Variants in ROCK1 observed in about 807,000 individuals in gnomAD.
ROCK1 encodes Rho associated coiled-coil containing protein kinase 1.
In ROCK1, 36 loss-of-function variants were observed where a neutral mutation model predicts 196.8. That is an observed-to-expected ratio of 0.18 (90% CI 0.14 to 0.24). The LOEUF (loss-of-function observed/expected upper bound fraction) is 0.24. ROCK1 is among the 10% of genes least tolerant of loss of function. ROCK1 has a pLI of 1.00. For synonymous variants in ROCK1, 443 were observed against 515.9 expected (o/e 0.86, Z 1.91); for missense variants, 920 against 1,562.0 (o/e 0.59, Z 6.93).
rs1367110440 is a variant in ROCK1, at chr18:21,110,883, G to C, written c.28C>G (p.Arg10Gly). MSTGDSFET[R>G]FEKMDNLLRD... Reference sequence around the variant, plus strand: ...AGCAGGTTGTCCATTTTTTCAAATCGAGTCTCAAAACTGTCCCCAGTCGAC... The same window carrying C: ...AGCAGGTTGTCCATTTTTTCAAATCCAGTCTCAAAACTGTCCCCAGTCGAC... The change falls in exon 1 of 33, where the codon CGA (arginine) becomes GGA (glycine). Residue 10 changes from arginine to glycine, a missense_variant. By Grantham distance (125) the Arg-to-Gly change is moderately radical (BLOSUM62 -2). Around this residue, in one of 6 missense-constraint regions of ROCK1, gnomAD observed 234 missense variants for 460.7 expected, o/e 0.51. Transcript: ENST00000399799. 15 of 1,614,036 alleles carry C rather than the reference G, an allele frequency of 9.3e-6. No homozygotes were observed. Among genetic ancestry groups the C allele is most frequent in the Non-Finnish European group, 1.3e-5 (15 of 1,179,970 alleles).
At chr18:21,001,222 C>T (rs532118451) in intron 16 of ROCK1, among the ~76,000 whole-genome samples, 29 of 152,094 alleles carry the variant, frequency 1.9e-4, no homozygotes, top group South Asian at 1.0e-3. Context: ...ATATCCAGAA[C>T]GGGTAAATTC....
intron 22 of ROCK1, among the ~76,000 whole-genome samples, chr18:20,973,311 T>G (rs2035447697): frequency 1.3e-5 from 2 of 151,068 alleles, no homozygotes; most frequent in African/African-American, 4.9e-5. Flanking sequence ...AGACTCAGTC[T>G]CTGTCGCCCA....
rs534452479 is a variant in ROCK1 at position 20,986,606 on chromosome 18, G to C, written c.2304+344C>G. 5.1e-4 allele frequency among the ~76,000 whole-genome samples: 77 copies of C among 152,266 alleles called. 1 individual carries two copies. The highest frequency in any genetic ancestry group is 1.8e-3 in the African/African-American group (75 of 41,552). ...GTTAAACACTTTTATTGAAATCTAA[G>C]AGCAATGCTCTTTTCTTTGGGGATA... On this transcript the variant is annotated intron_variant, in intron 19 of 32. Coordinates refer to ENST00000399799, the MANE Select transcript of ROCK1 (RefSeq NM_005406.3).
At chr18:21,052,221 G>A (rs2143521522) in intron 2 of ROCK1, among the ~76,000 whole-genome samples, 1 of 152,258 alleles carries the variant, frequency 6.6e-6, no homozygotes, top group African/African-American at 2.4e-5. Context: ...GCCTCTGTTG[G>A]ATGGCTTTCA....
rs112848323 is a variant in ROCK1, at chr18:21,070,631, C to T, written c.94-18G>A. On this transcript the variant is annotated intron_variant, in intron 1 of 32. Transcript: ENST00000399799. ...AATCCATCCTAAAGAAACAAACAAA[C>T]AATGGTTAGTTTTTTGGATCACATT... 913 of 1,557,632 alleles carry T rather than the reference C, an allele frequency of 5.9e-4. 2 individuals carry two copies. The highest frequency in any genetic ancestry group is 2.0e-3 in the Middle Eastern group (12 of 5,892).
At position 20,984,452 on chromosome 18, in the gene ROCK1, C is replaced by T; in HGVS notation, c.2388G>A (p.Glu796=). ...TTTCTAAACCTTTTAAATTGTCTGC[C>T]TCAAATGCTTGAGTCTTCAATTCAT... ...LQNELKTQAF[E]ADNLKGLEKQ... is the part of the protein sequence containing the mutation. Residue 796 remains glutamate, a synonymous_variant, in exon 20 of 33, where the codon GAG becomes GAA. Transcript: ENST00000399799. 1 of 1,613,128 alleles carries T rather than the reference C, an allele frequency of 6.2e-7. No homozygotes were observed. Among genetic ancestry groups the T allele is most frequent in the Non-Finnish European group, 8.5e-7 (1 of 1,179,602 alleles).
At chr18:20,987,441 T>C (rs1406499024) in intron 18 of ROCK1, among the ~76,000 whole-genome samples, 2 of 152,132 alleles carry the variant, frequency 1.3e-5, no homozygotes, top group Non-Finnish European at 2.9e-5. Context: ...ACAATGAACA[T>C]ACATCAAGCA....
At chr18:21,054,271 C>T (rs1331527861) in intron 2 of ROCK1, among the ~76,000 whole-genome samples, 1 of 152,122 alleles carries the variant, frequency 6.6e-6, no homozygotes, top group Non-Finnish European at 1.5e-5. Flanking sequence ...CTCTCTTAAA[C>T]TTCAAACTTA....
At chr18:21,016,135 G>C (rs780544343) in intron 12 of ROCK1, among the ~76,000 whole-genome samples, 1 of 152,120 alleles carries the variant, frequency 6.6e-6, no homozygotes, top group African/African-American at 2.4e-5. Flanking sequence ...ATGATATTTA[G>C]AGATAGCTGT....
chr18:20,959,293 C>T (rs1330003145), intron 29 of ROCK1, among the ~76,000 whole-genome samples: 1 of 138,760 alleles, frequency 7.2e-6, no homozygotes, highest in African/African-American at 2.8e-5. Context: ...CTCACTGCAA[C>T]CTCTGCCTCC....
At position 21,008,047 on chromosome 18, in the gene ROCK1, G is replaced by A. The variant is rs1422234476; in HGVS notation, c.1546+12C>T. The A allele has an allele frequency of 6.3e-7, 1 of 1,575,558 alleles. No individual in the cohort carries two copies. Among genetic ancestry groups the A allele is most frequent in the Non-Finnish European group, 8.6e-7 (1 of 1,161,498 alleles). On this transcript the variant is annotated intron_variant, in intron 14 of 32. Transcript: ENST00000399799. ...GAAATTCTATCATTTTTCAAAAGTAGTGACAATTTACCTTCATTTTCTACA... is the reference window on the plus strand; with the variant it reads ...GAAATTCTATCATTTTTCAAAAGTAATGACAATTTACCTTCATTTTCTACA...
intron 16 of ROCK1, among the ~76,000 whole-genome samples, chr18:20,997,411 G>A (rs943065616): frequency 7.2e-5 from 11 of 152,148 alleles, no homozygotes; most frequent in Non-Finnish European, 1.5e-5. Flanking sequence ...AGGTCATAAT[G>A]TAATGATAAA....
rs148675692 is a variant in ROCK1, at chr18:21,046,955, G to A, written c.415-1488C>T. Among the ~76,000 whole-genome samples the A allele has an allele frequency of 6.8e-3, 1,032 of 152,012 alleles. 5 individuals carry two copies. Among genetic ancestry groups the A allele is most frequent in the Middle Eastern group, 0.027 (8 of 294 alleles). ...AAAGTGCTCAGATTACAAGCATGGG[G>A]GCCACCACACCCGGCCCAGACTCAG... On this transcript the variant is annotated intron_variant, in intron 4 of 32. Coordinates refer to ENST00000399799, the MANE Select transcript of ROCK1 (RefSeq NM_005406.3).
chr18:21,014,513 G>A (rs1009043303), intron 13 of ROCK1, among the ~76,000 whole-genome samples: 1 of 152,032 alleles, frequency 6.6e-6, no homozygotes, highest in Non-Finnish European at 1.5e-5. Flanking sequence ...CTTCTAATTT[G>A]GAAAAATGAA....
chr18:21,055,037 C>T (rs536451867), intron 2 of ROCK1, among the ~76,000 whole-genome samples: 1 of 152,220 alleles, frequency 6.6e-6, no homozygotes, highest in Non-Finnish European at 1.5e-5. Context: ...TTTTTCCTAC[C>T]TAGCCAGCTT....
At chr18:20,998,597 CTT>C (rs541265477) in intron 16 of ROCK1, among the ~76,000 whole-genome samples, 738 of 97,226 alleles carry the variant, frequency 7.6e-3, no homozygotes, top group African/African-American at 0.03. Flanking sequence ...TTTTACCAAA[CTT>C]TTTTTTTTTT....
In ROCK1 at chr18:21,073,063, CAAAAAAAAAAAAAAAAAAAAAA is replaced by C. The variant is rs541290068; in HGVS notation, c.94-2472_94-2451del. Among the ~76,000 whole-genome samples, 41 of 32,746 alleles carry C rather than the reference CAAAAAAAAAAAAAAAAAAAAAA, an allele frequency of 1.3e-3. 1 individual carries two copies. The highest frequency in any genetic ancestry group is 6.0e-3 in the South Asian group (3 of 500). The allele number at this position is 32,746 out of a possible 152,430, so 21.5% of individuals were successfully genotyped here. ...GCCTGGGTGAAAGAGACTCCGTCTC[CAAAAAAAAAAAAAAAAAAAAAA>C]AAAAAAAAAAAAAACAAAAGTGGAG... On this transcript the variant is annotated intron_variant, in intron 1 of 32. Transcript: ENST00000399799.
chr18:21,055,533 A>C (rs1361668938), intron 2 of ROCK1, among the ~76,000 whole-genome samples: 3 of 152,162 alleles, frequency 2.0e-5, no homozygotes, highest in African/African-American at 7.2e-5. Flanking sequence ...TTCATATTTT[A>C]CTATGGGAGA....
chr18:21,090,954 T>G (rs1456915592), intron 1 of ROCK1, among the ~76,000 whole-genome samples: 4 of 152,216 alleles, frequency 2.6e-5, no homozygotes, highest in Admixed American at 2.6e-4. Flanking sequence ...ACAGTAAATT[T>G]TTAAACCTTT....
Sources: allele counts gnomAD v4.1 joint callset (sites outside exome capture counted in the v4.1 genomes callset), GRCh38; gene constraint gnomAD v4.1.1; regional missense constraint gnomAD v4.1.1; transcripts MANE v1.5; gene names NCBI Gene and HGNC (gene_info 2026-07-23, HGNC 2026-07-21).